Variants in RNF217 observed in about 807,000 individuals in gnomAD.
The protein encoded by RNF217 is E3 ubiquitin-protein ligase RNF217.
In RNF217, 31 loss-of-function variants were observed where a neutral mutation model predicts 57.8. The observed-to-expected ratio is 0.54, with a 90% CI of 0.40 to 0.72. The LOEUF (loss-of-function observed/expected upper bound fraction) is 0.72, where lower values mean the gene tolerates loss of function less well. Ranked by LOEUF, RNF217 falls within the 30% of genes least tolerant of loss-of-function variation. RNF217 has a pLI of 0.00. For missense variants in RNF217, 696 were observed against 708.3 expected (o/e 0.98, Z 0.20); for synonymous variants, 313 against 294.0 (o/e 1.06, Z -0.66).
intron 3 of RNF217, among the ~76,000 whole-genome samples, chr6:125,058,491 G>C (rs570997163): frequency 6.6e-6 from 1 of 152,086 alleles, no homozygotes; most frequent in East Asian, 1.9e-4. Context: ...GAATCCTTGC[G>C]ATCTTTTGCT....
intron 1 of RNF217, among the ~76,000 whole-genome samples, chr6:125,025,737 T>TAGGGAGGGAGGAAGGGAAGG (rs1786053679): frequency 9.6e-6 from 1 of 103,904 alleles, no homozygotes; most frequent in Non-Finnish European, 1.8e-5. Flanking sequence ...GAAGGTGTTC[T>TAGGGAGGGAGGAAGGGAAGG]AGGGAGGGAG....
chr6:125,061,883 T>G (rs1787748470), intron 3 of RNF217, among the ~76,000 whole-genome samples: 1 of 151,988 alleles, frequency 6.6e-6, no homozygotes, highest in Non-Finnish European at 1.5e-5. Context: ...TTTAACTCTT[T>G]AATCCAACCA....
intron 1 of RNF217, among the ~76,000 whole-genome samples, chr6:124,969,997 C>T (rs1234454636): frequency 6.6e-6 from 1 of 152,082 alleles, no homozygotes; most frequent in Non-Finnish European, 1.5e-5. Flanking sequence ...AAGATAGAAG[C>T]ATACGTGTGA....
At chr6:125,013,159 G>A (rs372379704) in intron 1 of RNF217, among the ~76,000 whole-genome samples, 4 of 152,004 alleles carry the variant, frequency 2.6e-5, no homozygotes, top group African/African-American at 9.6e-5. Flanking sequence ...TGGTTCTGGG[G>A]ATATAGCAGT....
In RNF217 at chr6:125,084,304, G is replaced by A. The variant is rs1788705732; in HGVS notation, c.*1367G>A. 1 of 151,810 alleles carries A rather than the reference G, an allele frequency of 6.6e-6. No homozygotes were observed. Among genetic ancestry groups the A allele is most frequent in the Non-Finnish European group, 1.5e-5 (1 of 67,890 alleles). The allele number at this position is 151,810 out of a possible 1,614,324, so 9.4% of individuals were successfully genotyped here. ...CAAAAAAGTGAAGGAAATATTTTCA[G>A]GAAGTTTTTCTCAACCTACAAAAGC... On this transcript the variant is annotated 3_prime_UTR_variant, in exon 6 of 6. Transcript: ENST00000521654.
intron 1 of RNF217, among the ~76,000 whole-genome samples, chr6:125,005,783 C>T (rs1428879240): frequency 6.6e-6 from 1 of 151,982 alleles, no homozygotes; most frequent in African/African-American, 2.4e-5. Context: ...CAAATATAGA[C>T]TTGTTTAATT....
chr6:124,990,209 CCTT>C (rs1784510142), intron 1 of RNF217, among the ~76,000 whole-genome samples: 1 of 152,150 alleles, frequency 6.6e-6, no homozygotes, highest in Admixed American at 6.6e-5. Flanking sequence ...TAATTAATCT[CCTT>C]CTGAATTACT....
chr6:124,989,715 A>G (rs1443576747), intron 1 of RNF217, among the ~76,000 whole-genome samples: 1 of 152,096 alleles, frequency 6.6e-6, no homozygotes, highest in Non-Finnish European at 1.5e-5. Context: ...GGTAGAAATC[A>G]TTCACAGGTC....
chr6:124,988,841 C>T (rs1784449717), intron 1 of RNF217, among the ~76,000 whole-genome samples: 1 of 152,148 alleles, frequency 6.6e-6, no homozygotes, highest in Non-Finnish European at 1.5e-5. Context: ...AGCATTGACT[C>T]CTCAAATAAA....
intron 3 of RNF217, among the ~76,000 whole-genome samples, chr6:125,060,764 A>G (rs1374766861): frequency 6.6e-6 from 1 of 152,156 alleles, no homozygotes; most frequent in Non-Finnish European, 1.5e-5. Flanking sequence ...TTTCCAAATG[A>G]TTTGTTTATC....
At chr6:124,977,645 G>A (rs1394977826) in intron 1 of RNF217, among the ~76,000 whole-genome samples, 1 of 152,134 alleles carries the variant, frequency 6.6e-6, no homozygotes, top group Non-Finnish European at 1.5e-5. Flanking sequence ...GTGGTAAGGA[G>A]GTCAAGGTCA....
rs1457176680 is a variant in RNF217, at chr6:124,963,068, A to AG, written c.526dup (p.Ala176GlyfsTer136). ...TACTGCGTGGAGAGCGACCTGCCCG[A>AG]GGCCCCCGCCTCGGAGCAGCTCTCG... On this transcript the variant is annotated frameshift_variant, in exon 1 of 6. Coordinates refer to ENST00000521654, the MANE Select transcript of RNF217 (RefSeq NM_001286398.3). LOFTEE classifies it high-confidence loss of function. The AG allele has an allele frequency of 1.3e-6, 2 of 1,561,712 alleles. No homozygotes were observed. The highest frequency in any genetic ancestry group is 1.7e-6 in the Non-Finnish European group (2 of 1,161,674).
At chr6:125,070,671 T>G (rs1195270881) in intron 3 of RNF217, among the ~76,000 whole-genome samples, 4 of 152,240 alleles carry the variant, frequency 2.6e-5, no homozygotes, top group Non-Finnish European at 5.9e-5. Flanking sequence ...TTCATGTCCT[T>G]TGTCCACTTT....
intron 2 of RNF217, among the ~76,000 whole-genome samples, chr6:125,053,067 G>A (rs1377039899): frequency 6.6e-6 from 1 of 152,008 alleles, no homozygotes; most frequent in East Asian, 1.9e-4. Flanking sequence ...GGTGGCTCAG[G>A]ATGGACCCTC....
chr6:125,007,320 A>T (rs1785227206), intron 1 of RNF217, among the ~76,000 whole-genome samples: 1 of 149,098 alleles, frequency 6.7e-6, no homozygotes. Context: ...ATCTCGGCTC[A>T]CCGCAACCTC....
In RNF217 at chr6:125,089,812, A is replaced by C. The variant is rs1407473921; in HGVS notation, c.*6875A>C. On this transcript the variant is annotated 3_prime_UTR_variant, in exon 6 of 6. Transcript: ENST00000521654. ...GCTTGGGAAATATTCTTAGTAATCCAATCAAATCCTTAAAAACAGCATTTT... is the reference window on the plus strand; with the variant it reads ...GCTTGGGAAATATTCTTAGTAATCCCATCAAATCCTTAAAAACAGCATTTT... 2 of 152,130 alleles carry C rather than the reference A, an allele frequency of 1.3e-5. No individual in the cohort carries two copies. Among genetic ancestry groups the C allele is most frequent in the African/African-American group, 4.8e-5 (2 of 41,432 alleles). 9.4% of individuals were successfully genotyped at this position (152,130 alleles called of 1,614,324 possible).
intron 1 of RNF217, among the ~76,000 whole-genome samples, chr6:124,969,976 G>A (rs1783699992): frequency 6.6e-6 from 1 of 152,126 alleles, no homozygotes. Flanking sequence ...ATAATAAGGT[G>A]TAAAGTTCCA....
At chr6:124,971,484 TCTCA>T (rs939422880) in intron 1 of RNF217, 22 of 338,588 alleles carry the variant, frequency 6.5e-5, no homozygotes, top group Admixed American at 1.7e-4. Flanking sequence ...TGAGACGGAG[TCTCA>T]CTCTGTCACC....
chr6:124,970,231 G>A (rs1783714153), intron 1 of RNF217, among the ~76,000 whole-genome samples: 1 of 152,196 alleles, frequency 6.6e-6, no homozygotes, highest in African/African-American at 2.4e-5. Flanking sequence ...TCTCTTTGTG[G>A]AAAATATACT....
Sources: allele counts gnomAD v4.1 joint callset (sites outside exome capture counted in the v4.1 genomes callset), GRCh38; gene constraint gnomAD v4.1.1; transcripts MANE v1.5; gene names NCBI Gene and HGNC (gene_info 2026-07-23, HGNC 2026-07-21).